Variants in LRRC43 observed in about 807,000 individuals in gnomAD.
The protein encoded by LRRC43 is leucine-rich repeat-containing protein 43.
In LRRC43, 62 loss-of-function variants were observed where a neutral mutation model predicts 64.3. The observed-to-expected ratio is 0.96, with a 90% CI of 0.79 to 1.19. LRRC43 has a LOEUF of 1.19. LRRC43 is among the 50% of genes most tolerant of loss of function. The pLI is 0.00. For synonymous variants in LRRC43, 422 were observed against 382.3 expected, an observed-to-expected ratio of 1.10 and a Z score of -1.21; for missense variants, 868 against 845.0, an observed-to-expected ratio of 1.03 and a Z score of -0.34.
intron 7 of LRRC43, among the ~76,000 whole-genome samples, chr12:122,198,355 A>G (rs1185403175): frequency 6.6e-6 from 1 of 152,120 alleles, no homozygotes; most frequent in Non-Finnish European, 1.5e-5. Flanking sequence ...GTGTATTCAC[A>G]GAGTTGCGCA....
intron 4 of LRRC43, chr12:122,189,335 G>T: frequency 2.3e-6 from 1 of 441,828 alleles, no homozygotes; most frequent in South Asian, 1.6e-5. Flanking sequence ...TGCCTGGAGC[G>T]GGCGGACGCA....
chr12:122,172,998 C>G (rs549896048), intron 1 of LRRC43, among the ~76,000 whole-genome samples: 48 of 152,306 alleles, frequency 3.2e-4, no homozygotes, highest in African/African-American at 1.1e-3. Context: ...AGAACCCACT[C>G]TCACGTGCTC....
intron 1 of LRRC43, chr12:122,174,017 C>A: frequency 6.2e-7 from 1 of 1,613,428 alleles, no homozygotes; most frequent in Admixed American, 1.7e-5. Context: ...ATGCCGTGAG[C>A]GCATACATCA....
chr12:122,190,960 C>G (rs1022446883), intron 5 of LRRC43, among the ~76,000 whole-genome samples: 1 of 151,998 alleles, frequency 6.6e-6, no homozygotes, highest in South Asian at 2.1e-4. Flanking sequence ...AGAGCGAGAC[C>G]CCGTCTCTAA....
intron 5 of LRRC43, 129 bp from the exon 6 acceptor site, chr12:122,191,251 C>T: frequency 1.4e-6 from 1 of 727,706 alleles, no homozygotes. Flanking sequence ...ATGAACCTGA[C>T]CGCCCCACCA....
intron 6 of LRRC43, among the ~76,000 whole-genome samples, chr12:122,192,353 G>A (rs1361766832): frequency 6.6e-6 from 1 of 151,960 alleles, no homozygotes; most frequent in Admixed American, 6.6e-5. Context: ...AGCCAGGATG[G>A]CCTGGATCTC....
Position 122,200,182 on chromosome 12 carries a change from C to T in LRRC43, c.1350-7C>T, listed in dbSNP as rs1953818763. On this transcript the variant is annotated splice_region_variant and splice_polypyrimidine_tract_variant and intron_variant, in intron 7 of 11. Coordinates refer to ENST00000339777, the MANE Select transcript of LRRC43 (RefSeq NM_001098519.2). The surrounding 1 kb of genome is among the most constrained non-coding windows in gnomAD (Gnocchi z 4.6). ...GGCACCCCCGTCTTCATCCCTCCCT[C>T]CCCAAGGACTGTCCTCTTCAGCACT... 1.2e-6 allele frequency: 2 copies of T among 1,612,236 alleles called. No individual in the cohort carries two copies. Among genetic ancestry groups the T allele is most frequent in the South Asian group, 2.2e-5 (2 of 90,940 alleles).
chr12:122,199,647 G>T (rs576787752), intron 7 of LRRC43, among the ~76,000 whole-genome samples: 45 of 151,632 alleles, frequency 3.0e-4, no homozygotes, highest in Non-Finnish European at 5.4e-4. Flanking sequence ...ACAGTGGCAT[G>T]AACATGGCTC....
chr12:122,173,687 A>G (rs1443510313), intron 1 of LRRC43, among the ~76,000 whole-genome samples: 1 of 151,926 alleles, frequency 6.6e-6, no homozygotes, highest in Non-Finnish European at 1.5e-5. Context: ...CTGTCTCAAA[A>G]AAAAAAAAAA....
chr12:122,192,446 A>G (rs986169758), intron 6 of LRRC43, among the ~76,000 whole-genome samples: 1 of 152,116 alleles, frequency 6.6e-6, no homozygotes, highest in Non-Finnish European at 1.5e-5. Flanking sequence ...CCATTCTGCA[A>G]TTTCTACAAC....
At chr12:122,178,733 A>T (rs541706687), upstream of LRRC43, among the ~76,000 whole-genome samples, 3 of 151,768 alleles carry the variant, frequency 2.0e-5, no homozygotes, top group African/African-American at 7.3e-5. Context: ...CCGGGATTAC[A>T]GGCGTGAGCC....
intron 1 of LRRC43, among the ~76,000 whole-genome samples, chr12:122,169,525 C>G (rs961350958): frequency 1.3e-5 from 2 of 151,846 alleles, no homozygotes; most frequent in Non-Finnish European, 2.9e-5. Flanking sequence ...ACCATCCTGG[C>G]TAACACGGTG....
rs1157610520 is a variant in LRRC43, at chr12:122,191,567, G to A, written c.1089G>A (p.Glu363=). 1 of 1,613,278 alleles carries A rather than the reference G, an allele frequency of 6.2e-7. No individual in the cohort carries two copies. The highest frequency in any genetic ancestry group is 1.3e-5 in the African/African-American group (1 of 74,902). ...EMNESAGVLA[E]IVKPSPSLEL... ...ATGAGTCCGCGGGCGTCCTGGCCGA[G>A]GTGTGCCCTGGTCTGTCCCTAGGAG... The change falls in exon 6 of 12, where the codon GAG becomes GAA. Residue 363 remains glutamate, a splice_region_variant and synonymous_variant. Coordinates refer to ENST00000339777, the MANE Select transcript of LRRC43 (RefSeq NM_001098519.2).
intron 4 of LRRC43, chr12:122,189,562 G>A (rs1953689226): frequency 2.2e-6 from 1 of 451,698 alleles, no homozygotes; most frequent in Non-Finnish European, 4.5e-6. Context: ...CTGGCCACAG[G>A]CCTTGGCCCG....
intron 1 of LRRC43, among the ~76,000 whole-genome samples, chr12:122,177,744 G>A (rs896649820): frequency 7.2e-5 from 11 of 151,914 alleles, no homozygotes; most frequent in African/African-American, 2.7e-4. Context: ...GGCTCAAGCA[G>A]TCCTGCCTCA....
intron 11 of LRRC43, 46 bp downstream of exon 11, chr12:122,201,375 C>T (rs1227981439): frequency 1.9e-6 from 3 of 1,595,866 alleles, no homozygotes; most frequent in South Asian, 2.2e-5. Context: ...GTCAGGAGGA[C>T]CTGCTGAGGG....
Position 122,184,639 on chromosome 12 carries a change from C to T in LRRC43, c.271C>T (p.Arg91Cys), listed in dbSNP as rs200583842. ...GGCCCTGCTGGGCCTGGTCCGCAGC[C>T]GCCACTCCCCCTGGGCTCTGCTGAA... Reference protein sequence around the residue: ...VEALLGLVRSRHSPWALLNNS... With the variant: ...VEALLGLVRSCHSPWALLNNS... The change falls in exon 2 of 12, where the codon CGC becomes TGC. Residue 91 changes from arginine (R) to cysteine (C), a missense_variant. By Grantham distance (180) the Arg-to-Cys change is radical. Coordinates refer to ENST00000339777, the MANE Select transcript of LRRC43 (RefSeq NM_001098519.2). The surrounding 1 kb of genome is among the most constrained non-coding windows in gnomAD (Gnocchi z 4.0). 9 of 1,613,826 alleles carry T rather than the reference C, an allele frequency of 5.6e-6. No individual in the cohort carries two copies. The highest frequency in any genetic ancestry group is 1.3e-5 in the African/African-American group (1 of 74,902).
intron 1 of LRRC43, among the ~76,000 whole-genome samples, chr12:122,175,752 C>T (rs535958487): frequency 5.9e-5 from 9 of 152,092 alleles, no homozygotes; most frequent in East Asian, 3.9e-4. Context: ...CTGCAACCTC[C>T]GCCTCCTGGG....
intron 1 of LRRC43, among the ~76,000 whole-genome samples, chr12:122,175,506 C>T (rs1409054405): frequency 7.1e-6 from 1 of 140,230 alleles, no homozygotes; most frequent in African/African-American, 2.6e-5. Context: ...CTTTTTCTTT[C>T]TTTTTTTTTT....
Sources: allele counts gnomAD v4.1 joint callset (sites outside exome capture counted in the v4.1 genomes callset), GRCh38; gene constraint gnomAD v4.1.1; non-coding constraint Gnocchi (gnomAD v3.1); transcripts MANE v1.5; gene names NCBI Gene and HGNC (gene_info 2026-07-23, HGNC 2026-07-21).